CYP24A1: variants seen among roughly 807,000 people sequenced by gnomAD.
The protein encoded by CYP24A1 is 1,25-dihydroxyvitamin D(3) 24-hydroxylase, mitochondrial.
Under a neutral mutation model 62.4 loss-of-function variants are expected in CYP24A1, and 68 were observed. The ratio of observed to expected loss-of-function variants is 1.09; its 90% CI spans 0.90 to 1.33. The LOEUF is 1.33. CYP24A1 is among the 40% of genes most tolerant of loss of function. The pLI, the probability that CYP24A1 is intolerant of heterozygous loss-of-function variation, is 0.00. For synonymous variants in CYP24A1, 267 were observed against 253.0 expected, an observed-to-expected ratio of 1.06 and a Z score of -0.52; for missense variants, 787 against 653.0, an observed-to-expected ratio of 1.21 and a Z score of -2.24.
chr20:54,162,220 C>CTTTTGTTT lies in CYP24A1; in HGVS notation c.990+496_990+497insAAACAAAA, dbSNP rs1568968780. ...ATTATTGGCTTGAAAGAGAGTATGC[C>CTTTTGTTT]TTTTTTTTTTTTTTTTTTTTTTTTT... On this transcript the variant is annotated intron_variant, in intron 7 of 11. Transcript: ENST00000216862. 2.6e-4 allele frequency among the ~76,000 whole-genome samples: 19 copies of CTTTTGTTT among 72,550 alleles called. 3 individuals carry two copies. Among genetic ancestry groups the CTTTTGTTT allele is most frequent in the East Asian group, 4.9e-4 (1 of 2,054 alleles). The allele number at this position is 72,550 out of a possible 152,430, so 47.6% of individuals were successfully genotyped here. A position where few individuals can be genotyped will look rare whatever the true frequency, so the allele number is the denominator to read the frequency against.
At chr20:54,145,637 C>T in the CYP24A1 span, among the ~76,000 whole-genome samples, 5 of 75,444 alleles carry the variant, frequency 6.6e-5, no homozygotes, top group South Asian at 6.8e-4. Flanking sequence ...CAGACTCTGT[C>T]TCAAAAAAAA....
At position 54,173,021 on chromosome 20, in the gene CYP24A1, A is replaced by C. The variant is rs745661961; in HGVS notation, c.337T>G (p.Cys113Gly). ...GTGCGGTACAGCGCTTCCAGCAGGC[A>C]TGGCGAGCCCAGGTGCACCGACTCA... is the stretch of plus-strand genomic sequence containing the variant. ...SFESVHLGSP[C>G]LLEALYRTES... Residue 113 changes from cysteine to glycine, a missense_variant, in exon 2 of 12, where the codon TGC becomes GGC. Transcript: ENST00000216862. This position sits in a 1 kb window ranked among gnomAD's most constrained non-coding sequence, Gnocchi z 7.2. 1.9e-6 allele frequency: 3 copies of C among 1,610,916 alleles called. No individual in the cohort carries two copies. The highest frequency in any genetic ancestry group is 2.2e-5 in the East Asian group (1 of 44,882).
At chr20:54,169,047 G>A (rs994964835) in intron 4 of CYP24A1, among the ~76,000 whole-genome samples, 1 of 151,916 alleles carries the variant, frequency 6.6e-6, no homozygotes, top group Non-Finnish European at 1.5e-5. Flanking sequence ...ACAGGCATGT[G>A]CCACCAACCC....
chr20:54,154,768 A>C lies in CYP24A1; in HGVS notation c.*11-7T>G, dbSNP rs1453601781. ...TGTTAGCAAATACCACCATCTAGAA[A>C]GACAGTACAGCTTCTGGAACAATTT... is the stretch of plus-strand genomic sequence containing the variant. On this transcript the variant is annotated splice_region_variant and splice_polypyrimidine_tract_variant and intron_variant, in intron 11 of 11. Coordinates refer to ENST00000216862, the MANE Select transcript of CYP24A1 (RefSeq NM_000782.5). 1 of 152,492 alleles carries C rather than the reference A, an allele frequency of 6.6e-6. No individual in the cohort carries two copies. Among genetic ancestry groups the C allele is most frequent in the Non-Finnish European group, 1.5e-5 (1 of 68,268 alleles). 9.4% of individuals were successfully genotyped at this position (152,492 alleles called of 1,614,324 possible).
chr20:54,171,599 T>G lies in CYP24A1; in HGVS notation c.521A>C (p.Lys174Thr). The G allele has an allele frequency of 6.2e-7, 1 of 1,613,964 alleles. No individual in the cohort carries two copies. Residue 174 changes from lysine (K) to threonine (T), a missense_variant, in exon 3 of 12, where the codon AAG becomes ACG. Physicochemically the swap from Lys to Thr is moderately conservative, Grantham distance 78. Transcript: ENST00000216862. ...GACCTCATTGATTTTGTTGTCCAGC[T>G]TCATCACTTCCCCTGGTTTCATTAG... is the stretch of plus-strand genomic sequence containing the variant. ...KKLMKPGEVM[K>T]LDNKINEVLA...
chr20:54,173,283 A>T lies in CYP24A1; in HGVS notation c.258+39T>A. On this transcript the variant is annotated intron_variant, in intron 1 of 11. Coordinates refer to ENST00000216862, the MANE Select transcript of CYP24A1 (RefSeq NM_000782.5). This position sits in a 1 kb window ranked among gnomAD's most constrained non-coding sequence, Gnocchi z 7.2. ...TTTGGAGCGCCACTGGGAGGGCGGAAGAGGGAGGAGAGAGTCAGGGGCGCG... is the reference window on the plus strand; with the variant it reads ...TTTGGAGCGCCACTGGGAGGGCGGATGAGGGAGGAGAGAGTCAGGGGCGCG... 2 of 1,584,276 alleles carry T rather than the reference A, an allele frequency of 1.3e-6. No individual in the cohort carries two copies. The highest frequency in any genetic ancestry group is 2.7e-5 in the African/African-American group (2 of 74,512).
chr20:54,173,123 GGTGTCAGCGCGCATCCTCCGCC>G lies in CYP24A1; in HGVS notation c.259-46_259-25del. ...ACCTGCAGCCGGCCGGGCACAGCGC[GGTGTCAGCGCGCATCCTCCGCC>G]GTGCCCGAAGCGCTTTCCCTCCTCC... On this transcript the variant is annotated intron_variant, in intron 1 of 11. Coordinates refer to ENST00000216862, the MANE Select transcript of CYP24A1 (RefSeq NM_000782.5). The surrounding 1 kb of genome is among the most constrained non-coding windows in gnomAD (Gnocchi z 7.2). 6.2e-7 allele frequency: 1 copy of G among 1,600,056 alleles called. No individual in the cohort carries two copies. Among genetic ancestry groups the G allele is most frequent in the South Asian group, 1.1e-5 (1 of 91,028 alleles).
At chr20:54,172,497 C>T (rs1265440390) in intron 2 of CYP24A1, among the ~76,000 whole-genome samples, 1 of 152,134 alleles carries the variant, frequency 6.6e-6, no homozygotes, top group Non-Finnish European at 1.5e-5. Flanking sequence ...GCCAAAGAGG[C>T]TAACTCCTCG....
chr20:54,159,718 C>T (rs774704551), intron 7 of CYP24A1, among the ~76,000 whole-genome samples: 35 of 152,168 alleles, frequency 2.3e-4, no homozygotes, highest in South Asian at 1.7e-3. Flanking sequence ...AATAATTGTT[C>T]GAACACAAAT....
intron 7 of CYP24A1, among the ~76,000 whole-genome samples, chr20:54,160,614 G>C (rs1236280019): frequency 6.6e-6 from 1 of 152,208 alleles, no homozygotes; most frequent in Admixed American, 6.5e-5. Flanking sequence ...ATTATTATAA[G>C]AGTCTAATTT....
In CYP24A1 at chr20:54,157,225, G is replaced by C. The variant is rs752346395; in HGVS notation, c.1499C>G (p.Thr500Ser). Residue 500 changes from threonine (T) to serine (S), a missense_variant, in exon 11 of 12, where the codon ACC becomes AGC. By Grantham distance (58) the Thr-to-Ser change is moderately conservative. Transcript: ENST00000216862. ...NEPVEMLHSG[T>S]LVPSRELPIA... ...GGGGAGTTCCCGGCTGGGCACCAGG[G>C]TGCCTGAGTGTAGCATCTCAACAGG... 1.2e-6 allele frequency: 2 copies of C among 1,613,420 alleles called. No individual in the cohort carries two copies. The highest frequency in any genetic ancestry group is 1.7e-6 in the Non-Finnish European group (2 of 1,179,394).
At chr20:54,165,286 C>G (rs1023846845) in intron 5 of CYP24A1, among the ~76,000 whole-genome samples, 3 of 152,210 alleles carry the variant, frequency 2.0e-5, no homozygotes, top group Non-Finnish European at 4.4e-5. Context: ...ATTGCCTATG[C>G]GAGGAATCTA....
At chr20:54,167,845 G>A (rs1377255611) in intron 4 of CYP24A1, among the ~76,000 whole-genome samples, 1 of 152,166 alleles carries the variant, frequency 6.6e-6, no homozygotes, top group Non-Finnish European at 1.5e-5. Context: ...TTATGGAAGT[G>A]TTATAGGTTT....
Position 54,173,028 on chromosome 20 carries a change from G to A in CYP24A1, c.330C>T (p.Gly110=). Residue 110 remains glycine (G), a synonymous_variant, in exon 2 of 12, where the codon GGC becomes GGT. Coordinates refer to ENST00000216862, the MANE Select transcript of CYP24A1 (RefSeq NM_000782.5). This position sits in a 1 kb window ranked among gnomAD's most constrained non-coding sequence, Gnocchi z 7.2. Reference sequence around the variant, plus strand: ...ACAGCGCTTCCAGCAGGCATGGCGAGCCCAGGTGCACCGACTCAAAGGAAC... The same window carrying A: ...ACAGCGCTTCCAGCAGGCATGGCGAACCCAGGTGCACCGACTCAAAGGAAC... ...KLGSFESVHL[G]SPCLLEALYR... The A allele has an allele frequency of 6.2e-7, 1 of 1,610,298 alleles. No homozygotes were observed. The highest frequency in any genetic ancestry group is 8.5e-7 in the Non-Finnish European group (1 of 1,180,018).
In CYP24A1 at chr20:54,173,229, T is replaced by G; in HGVS notation, c.258+93A>C. 1 of 1,516,230 alleles carries G rather than the reference T, an allele frequency of 6.6e-7. No individual in the cohort carries two copies. Among genetic ancestry groups the G allele is most frequent in the Non-Finnish European group, 9.1e-7 (1 of 1,099,526 alleles). 93.9% of individuals were successfully genotyped at this position (1,516,230 alleles called of 1,614,324 possible). A position where few individuals can be genotyped will look rare whatever the true frequency, so the allele number is the denominator to read the frequency against. On this transcript the variant is annotated intron_variant, in intron 1 of 11. Transcript: ENST00000216862. This position sits in a 1 kb window ranked among gnomAD's most constrained non-coding sequence, Gnocchi z 7.2. ...CCTGCCCAGACGCCGAAGCGCACCA[T>G]GCGCCCGAGGCGCGCATGTCGGGGA... is the stretch of plus-strand genomic sequence containing the variant.
At chr20:54,162,999 C>T (rs1019160610) in intron 6 of CYP24A1, 137 bp from the exon 7 acceptor site, 2 of 711,270 alleles carry the variant, frequency 2.8e-6, no homozygotes, top group South Asian at 1.5e-5. Flanking sequence ...TTGCTACACA[C>T]ACTAATTATA....
intron 7 of CYP24A1, among the ~76,000 whole-genome samples, chr20:54,159,396 A>ATTT (rs2092641833): frequency 1.7e-5 from 2 of 118,086 alleles, no homozygotes; most frequent in Non-Finnish European, 3.4e-5. Flanking sequence ...ATTTAAATAC[A>ATTT]GTTTTTTTTT....
At position 54,163,007 on chromosome 20, in the gene CYP24A1, ATAT is replaced by A; in HGVS notation, c.845-148_845-146del. On this transcript the variant is annotated intron_variant, in intron 6 of 11. Coordinates refer to ENST00000216862, the MANE Select transcript of CYP24A1 (RefSeq NM_000782.5). Reference sequence around the variant, plus strand: ...TGACAATTTGCTACACACACTAATTATATTATTGCCTTCTTGTCAAGTCGGCAA... The same window carrying A: ...TGACAATTTGCTACACACACTAATTATATTGCCTTCTTGTCAAGTCGGCAA... The A allele has an allele frequency of 1.3e-5, 9 of 699,644 alleles. No individual in the cohort carries two copies. The South Asian group carries it at 1.4e-4, about 11-fold the overall frequency. The allele number at this position is 699,644 out of a possible 1,614,324, so 43.3% of individuals were successfully genotyped here.
chr20:54,168,884 T>TTCCTTCCTTCCTTCCC (rs1327446363), intron 4 of CYP24A1, among the ~76,000 whole-genome samples: 1 of 134,248 alleles, frequency 7.4e-6, no homozygotes, highest in Non-Finnish European at 1.6e-5. Flanking sequence ...CCTTCCTTCC[T>TTCCTTCCTTCCTTCCC]TCCTTCCTTT....
Sources: allele counts gnomAD v4.1 joint callset (sites outside exome capture counted in the v4.1 genomes callset), GRCh38; gene constraint gnomAD v4.1.1; non-coding constraint Gnocchi (gnomAD v3.1); transcripts MANE v1.5; gene names NCBI Gene and HGNC (gene_info 2026-07-23, HGNC 2026-07-21).